RERGL: variants seen among roughly 807,000 people sequenced by gnomAD.
RERGL encodes the protein ras-related and estrogen-regulated growth inhibitor-like protein.
RERGL carries 22 observed loss-of-function variants against 24.7 expected under a neutral mutation model. The ratio of observed to expected loss-of-function variants is 0.89; its 90% CI spans 0.64 to 1.27. The LOEUF (loss-of-function observed/expected upper bound fraction) is 1.27, where lower values mean the gene tolerates loss of function less well. Among genes scored for constraint, RERGL ranks in the 50% most tolerant of loss-of-function variants. RERGL has a pLI of 0.00. For synonymous variants in RERGL, 76 were observed against 82.6 expected, an observed-to-expected ratio of 0.92 and a Z score of 0.43; for missense variants, 259 against 235.3, an observed-to-expected ratio of 1.10 and a Z score of -0.66.
chr12:18,080,907 T>C lies in RERGL; in HGVS notation c.*284A>G. On this transcript the variant is annotated 3_prime_UTR_variant, in exon 5 of 5. Transcript: ENST00000538724. ...TTTAATAAATTCACATAAACAGAGTTTATTTGGCAAGGCAAACTGGGATCG... is the reference window on the plus strand; with the variant it reads ...TTTAATAAATTCACATAAACAGAGTCTATTTGGCAAGGCAAACTGGGATCG... 1 of 239,384 alleles carries C rather than the reference T, an allele frequency of 4.2e-6. No homozygotes were observed. The highest frequency in any genetic ancestry group is 5.1e-5 in the Admixed American group (1 of 19,716). The allele number at this position is 239,384 out of a possible 1,614,324, so 14.8% of individuals were successfully genotyped here.
chr12:18,084,804 TTC>T (rs1947204966), intron 3 of RERGL, 139 bp from the exon 4 acceptor site: 1 of 589,382 alleles, frequency 1.7e-6, no homozygotes, highest in East Asian at 3.2e-5. Flanking sequence ...TAAAATATAG[TTC>T]TGTTTCTCTC....
chr12:18,087,536 C>T (rs373976707), intron 2 of RERGL, among the ~76,000 whole-genome samples: 3 of 152,132 alleles, frequency 2.0e-5, no homozygotes, highest in Admixed American at 2.0e-4. Flanking sequence ...TTTTAATATA[C>T]AAAGTGGAGT....
At chr12:18,087,365 G>A (rs1053378479) in intron 2 of RERGL, among the ~76,000 whole-genome samples, 1 of 152,124 alleles carries the variant, frequency 6.6e-6, no homozygotes, top group South Asian at 2.1e-4. Context: ...CTTAAATTAT[G>A]TTTTCAGCCA....
At position 18,087,016 on chromosome 12, in the gene RERGL, T is replaced by C. The variant is rs537779301; in HGVS notation, c.110-1323A>G. On this transcript the variant is annotated intron_variant, in intron 2 of 4. Coordinates refer to ENST00000538724, the MANE Select transcript of RERGL (RefSeq NM_001286201.2). ...ATTTATTTGTCTTATGTCACATATT[T>C]ATTCTAAAATTCCTTTTTAGTCTAC... 1.4e-4 allele frequency among the ~76,000 whole-genome samples: 21 copies of C among 152,356 alleles called. 1 individual carries two copies. Among genetic ancestry groups the C allele is most frequent in the Admixed American group, 1.2e-3 (18 of 15,300 alleles).
intron 2 of RERGL, 106 bp from the exon 3 acceptor site, chr12:18,085,799 T>C (rs1947213853): frequency 3.2e-6 from 2 of 620,740 alleles, no homozygotes; most frequent in Non-Finnish European, 5.6e-6. Flanking sequence ...TCTTTTTATA[T>C]TGCTGGTGAC....
intron 4 of RERGL, among the ~76,000 whole-genome samples, chr12:18,082,129 G>A (rs1198506780): frequency 1.4e-5 from 2 of 138,754 alleles, no homozygotes; most frequent in Non-Finnish European, 3.0e-5. Context: ...AACAGAGCAA[G>A]ACTTTGTCTC....
Position 18,085,040 on chromosome 12 carries a change from T to C in RERGL, c.184-375A>G, listed in dbSNP as rs930209639. Among the ~76,000 whole-genome samples the C allele has an allele frequency of 1.2e-4, 18 of 152,138 alleles. 1 individual carries two copies. Among genetic ancestry groups the C allele is most frequent in the Non-Finnish European group, 2.4e-4 (16 of 68,012 alleles). Reference sequence around the variant, plus strand: ...ATATCTATTGATTTTTGGTACTAGATTTAAATCAATAAAAATCAAAAATAT... The same window carrying C: ...ATATCTATTGATTTTTGGTACTAGACTTAAATCAATAAAAATCAAAAATAT... On this transcript the variant is annotated intron_variant, in intron 3 of 4. Coordinates refer to ENST00000538724, the MANE Select transcript of RERGL (RefSeq NM_001286201.2).
Position 18,090,188 on chromosome 12 carries a change from C to A in RERGL, c.-48G>T. ...AGTCCTATTTTCTGGAACTACACTG[C>A]CCTGTGACAAGCTTTTTTTTAACTT... On this transcript the variant is annotated 5_prime_UTR_variant, in exon 1 of 5. Coordinates refer to ENST00000538724, the MANE Select transcript of RERGL (RefSeq NM_001286201.2). The A allele has an allele frequency of 1.4e-6, 2 of 1,449,132 alleles. No individual in the cohort carries two copies. Among genetic ancestry groups the A allele is most frequent in the Admixed American group, 2.5e-5 (1 of 39,372 alleles). 89.8% of individuals were successfully genotyped at this position (1,449,132 alleles called of 1,614,324 possible). A position where few individuals can be genotyped will look rare whatever the true frequency, so the allele number is the denominator to read the frequency against.
chr12:18,081,511 T>C (rs2136825274), intron 4 of RERGL, 38 bp from the exon 5 acceptor site: 1 of 1,410,714 alleles, frequency 7.1e-7, no homozygotes, highest in East Asian at 2.4e-5. Flanking sequence ...AAGATTGTTT[T>C]AACAACTCTT....
At chr12:18,084,763 A>G in intron 3 of RERGL, 98 bp from the exon 4 acceptor site, 1 of 880,760 alleles carries the variant, frequency 1.1e-6, no homozygotes, top group Non-Finnish European at 1.7e-6. Context: ...CCGCTGGAAG[A>G]TACATCAATG....
intron 1 of RERGL, among the ~76,000 whole-genome samples, chr12:18,089,753 A>C (rs1947252785): frequency 6.6e-6 from 1 of 152,094 alleles, no homozygotes; most frequent in Non-Finnish European, 1.5e-5. Context: ...GTATAAGGCA[A>C]GTGTGTTGAA....
chr12:18,082,393 CATACCTGGGTGATGAAATA>C (rs2136826565), intron 4 of RERGL, among the ~76,000 whole-genome samples: 1 of 152,246 alleles, frequency 6.6e-6, no homozygotes, highest in Admixed American at 6.5e-5. Context: ...TTCTAGGCTT[CATACCTGGGTGATGAAATA>C]ATCTGTACAA....
At chr12:18,089,281 C>A (rs1488779200) in intron 1 of RERGL, 2 of 1,604,492 alleles carry the variant, frequency 1.2e-6, no homozygotes, top group East Asian at 2.2e-5. Flanking sequence ...AGAAGTTTGA[C>A]ATCTGTTTAT....
intron 1 of RERGL, chr12:18,089,249 T>C: frequency 6.2e-7 from 1 of 1,608,398 alleles, no homozygotes; most frequent in Non-Finnish European, 8.5e-7. Flanking sequence ...AGAAACAGAT[T>C]TCTCATTATA....
At chr12:18,090,047 C>G (rs1314935196) in intron 1 of RERGL, 42 bp downstream of exon 1, 5 of 1,467,284 alleles carry the variant, frequency 3.4e-6, no homozygotes, top group Non-Finnish European at 4.5e-6. Context: ...GTTTCTCACT[C>G]TTTCTACACT....
Position 18,085,682 on chromosome 12 carries a change from TA to T in RERGL, c.120del (p.Tyr40Ter). 1 of 1,595,332 alleles carries T rather than the reference TA, an allele frequency of 6.3e-7. No individual in the cohort carries two copies. Among genetic ancestry groups the T allele is most frequent in the Admixed American group, 1.7e-5 (1 of 58,692 alleles). On this transcript the variant is annotated frameshift_variant, in exon 3 of 5. Transcript: ENST00000538724. LOFTEE classifies it high-confidence loss of function. ...GEYASNFESI[Y>X]KKHLCLERKQ... ...TTCCTTTCCAAACACAAGTGCTTCT[TA>T]TAGATAGATTCTGCAAAAATATGCA...
Position 18,081,447 on chromosome 12 carries a change from A to G in RERGL, c.359T>C (p.Val120Ala), listed in dbSNP as rs138139261. 4.4e-4 allele frequency: 705 copies of G among 1,611,894 alleles called. No homozygotes were observed. Among genetic ancestry groups the G allele is most frequent in the Middle Eastern group, 8.2e-4 (5 of 6,078 alleles). ...KRAVESAVFL[V>A]GNKRDLCHVR... ...ATGACAAAGATCTCGTTTGTTGCCA[A>G]CCAAAAACACTGCTGATTCCACAGC... Residue 120 changes from valine to alanine, a missense_variant, in exon 5 of 5, where the codon GTT becomes GCT. Physicochemically the swap from Val to Ala is moderately conservative, Grantham distance 64 (BLOSUM62 0). Coordinates refer to ENST00000538724, the MANE Select transcript of RERGL (RefSeq NM_001286201.2).
chr12:18,089,140 G>C, intron 1 of RERGL, 184 bp from the exon 2 acceptor site: 2 of 1,223,644 alleles, frequency 1.6e-6, no homozygotes, highest in Non-Finnish European at 2.3e-6. Context: ...CAAATGATTA[G>C]AAAGTTAGAA....
At chr12:18,083,806 CAA>C (rs1449532892) in intron 4 of RERGL, among the ~76,000 whole-genome samples, 1 of 152,054 alleles carries the variant, frequency 6.6e-6, no homozygotes, top group Non-Finnish European at 1.5e-5. Flanking sequence ...GTTAAAAGCA[CAA>C]AGACTCTTTT....
Sources: allele counts gnomAD v4.1 joint callset (sites outside exome capture counted in the v4.1 genomes callset), GRCh38; gene constraint gnomAD v4.1.1; transcripts MANE v1.5; gene names NCBI Gene and HGNC (gene_info 2026-07-23, HGNC 2026-07-21).